Variants in TDRD9 observed in about 807,000 individuals in gnomAD.
The protein encoded by TDRD9 is ATP-dependent RNA helicase TDRD9.
In TDRD9, 124 loss-of-function variants were observed where a neutral mutation model predicts 172.6. The ratio of observed to expected loss-of-function variants is 0.72; its 90% CI spans 0.62 to 0.83. The LOEUF is 0.83. Among genes scored for constraint, TDRD9 ranks in the 40% least tolerant of loss-of-function variants. TDRD9 has a pLI of 0.00. For synonymous variants in TDRD9, 619 were observed against 617.1 expected (o/e 1.00, Z -0.05); for missense variants, 1,479 against 1,714.1 (o/e 0.86, Z 2.42).
intron 34 of TDRD9, among the ~76,000 whole-genome samples, chr14:104,046,703 T>C (rs1178934600): frequency 6.6e-6 from 1 of 152,060 alleles, no homozygotes. Flanking sequence ...TGGAGTGCAG[T>C]GGCGTGATCT....
At chr14:103,937,187 G>A (rs1242552166) in intron 1 of TDRD9, among the ~76,000 whole-genome samples, 1 of 152,130 alleles carries the variant, frequency 6.6e-6, no homozygotes, top group Non-Finnish European at 1.5e-5. Context: ...ACTGCTGTTA[G>A]GATAAAATTT....
intron 1 of TDRD9, among the ~76,000 whole-genome samples, chr14:103,938,432 ATATATATATTT>A (rs2030938382): frequency 5.4e-5 from 2 of 37,198 alleles, no homozygotes; most frequent in African/African-American, 2.1e-4. Flanking sequence ...ATATATATAT[ATATATATATTT>A]TTTTTTTTTT....
intron 1 of TDRD9, among the ~76,000 whole-genome samples, chr14:103,936,278 C>G (rs2030758102): frequency 6.6e-6 from 1 of 152,120 alleles, no homozygotes; most frequent in Non-Finnish European, 1.5e-5. Flanking sequence ...TTTTTGGAGA[C>G]ATGGGATTTC....
intron 1 of TDRD9, among the ~76,000 whole-genome samples, chr14:103,945,968 G>GTTTT (rs71681370): frequency 2.0e-5 from 3 of 147,740 alleles, no homozygotes; most frequent in African/African-American, 7.5e-5. Flanking sequence ...ATATCTTTCT[G>GTTTT]TTTTTTTTTT....
At chr14:104,048,398 C>G (rs760544671) in intron 34 of TDRD9, among the ~76,000 whole-genome samples, 1 of 152,106 alleles carries the variant, frequency 6.6e-6, no homozygotes, top group Non-Finnish European at 1.5e-5. Flanking sequence ...GTGACCACGC[C>G]CAGCTCGTTT....
At chr14:103,946,997 A>G (rs997848936) in intron 1 of TDRD9, among the ~76,000 whole-genome samples, 1 of 151,394 alleles carries the variant, frequency 6.6e-6, no homozygotes, top group African/African-American at 2.4e-5. Flanking sequence ...AATCTCTGCC[A>G]AAATCCTAAT....
chr14:103,966,957 G>T, intron 5 of TDRD9, 126 bp downstream of exon 5: 6 of 914,288 alleles, frequency 6.6e-6, no homozygotes, highest in South Asian at 6.9e-5. Flanking sequence ...TTTACTTTCT[G>T]GACTTTTCTC....
rs568811601 is a variant in TDRD9, at chr14:103,986,675, T to C, written c.1115+355T>C. ...ACTGTTGAAACTTTCTTTGCATTTG[T>C]TTTCATTTACTATAAAGACATATTC... On this transcript the variant is annotated intron_variant, in intron 8 of 35. Transcript: ENST00000409874. 5.3e-5 allele frequency among the ~76,000 whole-genome samples: 8 copies of C among 152,346 alleles called. No individual in the cohort carries two copies. The East Asian group carries it at 1.5e-3, about 29-fold the overall frequency.
intron 1 of TDRD9, among the ~76,000 whole-genome samples, chr14:103,952,685 T>C (rs937508600): frequency 6.6e-6 from 1 of 151,178 alleles, no homozygotes; most frequent in African/African-American, 2.4e-5. Context: ...GTCACATTTC[T>C]ATGCGTTTCA....
intron 7 of TDRD9, among the ~76,000 whole-genome samples, chr14:103,982,698 G>C (rs2033520461): frequency 6.6e-6 from 1 of 152,184 alleles, no homozygotes; most frequent in African/African-American, 2.4e-5. Context: ...CTGAGGTTGG[G>C]TGTTCGAGAC....
At chr14:104,020,112 T>C (rs2034909014) in intron 23 of TDRD9, among the ~76,000 whole-genome samples, 2 of 151,766 alleles carry the variant, frequency 1.3e-5, no homozygotes, top group Admixed American at 1.3e-4. Flanking sequence ...TTTGTGGAGG[T>C]CAGGTGCTGA....
At chr14:103,953,542 G>A (rs553969295) in intron 1 of TDRD9, among the ~76,000 whole-genome samples, 10 of 149,730 alleles carry the variant, frequency 6.7e-5, no homozygotes, top group East Asian at 2.0e-4. Context: ...CTTGGTGCAC[G>A]TGATTATGGA....
At chr14:104,022,403 G>T (rs1053144929) in intron 24 of TDRD9, 73 bp downstream of exon 24, 2 of 1,463,846 alleles carry the variant, frequency 1.4e-6, no homozygotes, top group South Asian at 1.3e-5. Flanking sequence ...TTACATGACC[G>T]TTGATCTGGC....
At chr14:103,944,612 C>G (rs188821299) in intron 1 of TDRD9, among the ~76,000 whole-genome samples, 4 of 128,450 alleles carry the variant, frequency 3.1e-5, no homozygotes, top group African/African-American at 1.2e-4. Flanking sequence ...GTCGCCCAGG[C>G]TGGAGTGCAG....
At chr14:103,999,643 A>ACATTTAAGCTTTTAATCTTCCT (rs1566771643) in intron 13 of TDRD9, among the ~76,000 whole-genome samples, 1 of 130,470 alleles carries the variant, frequency 7.7e-6, no homozygotes, top group Non-Finnish European at 1.7e-5. Flanking sequence ...TGTTTTTTAG[A>ACATTTAAGCTTTTAATCTTCCT]AAACCTTTTG....
In TDRD9 at chr14:104,025,777, G is replaced by A. The variant is rs371465251; in HGVS notation, c.2931+1G>A. 49 of 1,612,214 alleles carry A rather than the reference G, an allele frequency of 3.0e-5. No individual in the cohort carries two copies. The highest frequency in any genetic ancestry group is 4.2e-5 in the Non-Finnish European group (49 of 1,178,612). On this transcript the variant is annotated splice_donor_variant, in intron 26 of 35. Coordinates refer to ENST00000409874, the MANE Select transcript of TDRD9 (RefSeq NM_153046.3). LOFTEE classifies it high-confidence loss of function. ...TTATGTTTCTGGAAATTCTGCTGAGGTAGGTTTTTCTGTAACAAGTCACTG... is the reference window on the plus strand; with the variant it reads ...TTATGTTTCTGGAAATTCTGCTGAGATAGGTTTTTCTGTAACAAGTCACTG...
intron 14 of TDRD9, 43 bp from the exon 15 acceptor site, chr14:104,005,231 T>C (rs1383287707): frequency 1.9e-6 from 3 of 1,608,516 alleles, no homozygotes; most frequent in Non-Finnish European, 2.6e-6. Context: ...CTAACTGATT[T>C]AGTTATGTTA....
chr14:103,959,455 CGTGTGTGT>C (rs151216232), intron 2 of TDRD9, among the ~76,000 whole-genome samples: 2 of 144,022 alleles, frequency 1.4e-5, no homozygotes, highest in Non-Finnish European at 3.0e-5. Context: ...GTCAGGTTAT[CGTGTGTGT>C]GTGTGTGTGT....
chr14:103,999,528 T>C (rs1257044059), intron 13 of TDRD9, among the ~76,000 whole-genome samples: 1 of 151,994 alleles, frequency 6.6e-6, no homozygotes, highest in Non-Finnish European at 1.5e-5. Context: ...ACAGTGGAGG[T>C]ATATTCATGA....
Sources: gnomAD v4.1 joint callset for allele counts (sites outside exome capture counted in the v4.1 genomes callset) on GRCh38, gnomAD v4.1.1 for gene constraint, MANE v1.5 for transcripts, NCBI Gene and HGNC (gene_info 2026-07-23, HGNC 2026-07-21) for gene names.